The following RAD17 variants were observed in gnomAD, a reference collection of about 807,000 sequenced individuals.
RAD17 encodes RAD17 checkpoint clamp loader component, also known as cell cycle checkpoint protein RAD17.
RAD17 carries 31 observed loss-of-function variants against 81.5 expected under a neutral mutation model. The observed-to-expected ratio is 0.38, with a 90% CI of 0.29 to 0.51. The LOEUF (loss-of-function observed/expected upper bound fraction) is 0.51, where lower values mean the gene tolerates loss of function less well. Among genes scored for constraint, RAD17 ranks in the 20% least tolerant of loss-of-function variants. The pLI is 0.88. For synonymous variants in RAD17, 261 were observed against 266.2 expected (o/e 0.98, Z 0.19); for missense variants, 681 against 781.2 (o/e 0.87, Z 1.53).
chr5:69,372,988 C>G (rs1763100602), intron 4 of RAD17, among the ~76,000 whole-genome samples: 1 of 152,146 alleles, frequency 6.6e-6, no homozygotes, highest in South Asian at 2.1e-4. Context: ...GCTTCATACA[C>G]TGAAGAAAAA....
At chr5:69,389,497 T>C (rs1327249024) in intron 12 of RAD17, among the ~76,000 whole-genome samples, 2 of 152,204 alleles carry the variant, frequency 1.3e-5, no homozygotes, top group Non-Finnish European at 2.9e-5. Context: ...TGTGAGCACT[T>C]ACCTCTTAGG....
At chr5:69,379,163 G>A (rs895409255) in intron 6 of RAD17, among the ~76,000 whole-genome samples, 3 of 152,136 alleles carry the variant, frequency 2.0e-5, no homozygotes, top group Non-Finnish European at 4.4e-5. Context: ...TTGAAAGCGG[G>A]TGGCGGAAGT....
chr5:69,383,296 C>T (rs2150804921), intron 7 of RAD17, among the ~76,000 whole-genome samples: 1 of 152,122 alleles, frequency 6.6e-6, no homozygotes, highest in South Asian at 2.1e-4. Context: ...CTTCTCTGGA[C>T]TCTTCTTTAA....
At chr5:69,377,624 C>CATATATATATATATATATATGCAT (rs878941680) in intron 6 of RAD17, among the ~76,000 whole-genome samples, 1 of 1,652 alleles carries the variant, frequency 6.1e-4, no homozygotes, top group African/African-American at 2.5e-3. Flanking sequence ...CATATATATG[C>CATATATATATATATATATATGCAT]ATATATATGT....
chr5:69,372,279 C>T (rs1009287549), intron 4 of RAD17, 62 bp downstream of exon 4: 11 of 1,349,332 alleles, frequency 8.2e-6, no homozygotes, highest in East Asian at 2.3e-5. Context: ...CGATAATATT[C>T]CTAACTCTGT....
At chr5:69,402,734 CTGAT>C (rs1256664413) in intron 17 of RAD17, among the ~76,000 whole-genome samples, 2 of 151,940 alleles carry the variant, frequency 1.3e-5, no homozygotes, top group African/African-American at 4.8e-5. Context: ...ACTAAGTTTC[CTGAT>C]TATTACATTT....
At chr5:69,401,099 A>T (rs981002107) in intron 17 of RAD17, among the ~76,000 whole-genome samples, 4 of 152,068 alleles carry the variant, frequency 2.6e-5, no homozygotes, top group Admixed American at 2.6e-4. Flanking sequence ...AATCCCAGCC[A>T]CTCGGGAGGC....
chr5:69,377,719 G>T (rs1205611002), intron 6 of RAD17, among the ~76,000 whole-genome samples: 4 of 64,400 alleles, frequency 6.2e-5, no homozygotes, highest in Admixed American at 4.1e-4. Context: ...ATTGGGAAAA[G>T]TATTTTCTTT....
chr5:69,408,703 G>A (rs919078996), intron 17 of RAD17, among the ~76,000 whole-genome samples: 14 of 151,948 alleles, frequency 9.2e-5, no homozygotes, highest in African/African-American at 2.9e-4. Flanking sequence ...TAGAGATGGC[G>A]TTTCACCATG....
chr5:69,395,535 A>G (rs1323863805), intron 15 of RAD17, among the ~76,000 whole-genome samples: 3 of 152,146 alleles, frequency 2.0e-5, no homozygotes, highest in African/African-American at 7.2e-5. Flanking sequence ...AAATAACGAA[A>G]AGAGTATAAT....
intron 1 of RAD17, chr5:69,370,167 C>G: frequency 5.8e-6 from 1 of 171,704 alleles, no homozygotes; most frequent in Non-Finnish European, 1.2e-5. Context: ...CTTAGTATTC[C>G]CTGTTCACTG....
chr5:69,389,055 C>A lies in RAD17; in HGVS notation c.916C>A (p.Pro306Thr), dbSNP rs369264450. Residue 306 changes from proline to threonine, a missense_variant, in exon 12 of 19, where the codon CCT (proline) becomes ACT (threonine). Pro to Thr is a conservative substitution (Grantham distance 38). Coordinates refer to ENST00000354868, the MANE Select transcript of RAD17 (RefSeq NM_133338.3). ...ANKNGGKITVPDKTSLELLCQ... is the reference protein window; with the variant it reads ...ANKNGGKITVTDKTSLELLCQ... ...TTAGAATGGAGGAAAAATTACTGTC[C>A]CTGACAAAACTTCTCTAGAGTTGCT... The A allele has an allele frequency of 6.7e-6, 10 of 1,503,278 alleles. No homozygotes were observed. The African/African-American group carries it at 1.1e-4, about 17-fold the overall frequency. The allele number at this position is 1,503,278 out of a possible 1,614,324, so 93.1% of individuals were successfully genotyped here. A position where few individuals can be genotyped will look rare whatever the true frequency, so the allele number is the denominator to read the frequency against.
intron 4 of RAD17, among the ~76,000 whole-genome samples, chr5:69,373,254 T>C (rs1040590704): frequency 1.6e-4 from 25 of 152,210 alleles, no homozygotes; most frequent in African/African-American, 6.0e-4. Context: ...AAAAAATCAT[T>C]CTAGTGTTTA....
chr5:69,385,070 C>T, intron 8 of RAD17, 137 bp downstream of exon 8: 1 of 715,054 alleles, frequency 1.4e-6, no homozygotes, highest in Non-Finnish European at 2.0e-6. Flanking sequence ...CGCCATTCTC[C>T]TGCCTCAGCC....
chr5:69,413,069 CATTTGT>C (rs1348902505), intron 18 of RAD17, among the ~76,000 whole-genome samples: 1 of 151,628 alleles, frequency 6.6e-6, no homozygotes, highest in East Asian at 1.9e-4. Flanking sequence ...ATTTAGGAAC[CATTTGT>C]ATTTGTTTTA....
rs1168091904 is a variant in RAD17 at position 69,414,324 on chromosome 5, C to T, written c.*32C>T. The T allele has an allele frequency of 6.3e-7, 1 of 1,599,804 alleles. No homozygotes were observed. The highest frequency in any genetic ancestry group is 8.5e-7 in the Non-Finnish European group (1 of 1,169,872). On this transcript the variant is annotated 3_prime_UTR_variant, in exon 19 of 19. Coordinates refer to ENST00000354868, the MANE Select transcript of RAD17 (RefSeq NM_133338.3). ...GCCTGCTAATCAGATTGCTACTTCA[C>T]AGCTTCATTTTTGTTTCATTCAGTG...
chr5:69,380,264 T>TATAA (rs1763767329), intron 6 of RAD17, among the ~76,000 whole-genome samples: 2 of 152,192 alleles, frequency 1.3e-5, no homozygotes. Flanking sequence ...AGTTGTTTAT[T>TATAA]ATAATTATCA....
intron 11 of RAD17, 49 bp downstream of exon 11, chr5:69,386,514 G>C (rs978614731): frequency 8.7e-6 from 13 of 1,488,192 alleles, no homozygotes; most frequent in Non-Finnish European, 1.1e-5. Flanking sequence ...AGAAAGCCTA[G>C]CTTAAATAGT....
chr5:69,411,698 A>G (rs1766015394), intron 18 of RAD17, among the ~76,000 whole-genome samples: 2 of 152,236 alleles, frequency 1.3e-5, no homozygotes, highest in African/African-American at 4.8e-5. Flanking sequence ...GGATGTGATC[A>G]GGGCTTACAC....
Sources: allele counts gnomAD v4.1 joint callset (sites outside exome capture counted in the v4.1 genomes callset), GRCh38; gene constraint gnomAD v4.1.1; transcripts MANE v1.5; gene names NCBI Gene and HGNC (gene_info 2026-07-23, HGNC 2026-07-21).